The following LRRC75A variants were observed in gnomAD, a reference collection of about 807,000 sequenced individuals.
The protein encoded by LRRC75A is leucine-rich repeat-containing protein 75A.
Under a neutral mutation model 26.0 loss-of-function variants are expected in LRRC75A, and 12 were observed. The ratio of observed to expected loss-of-function variants is 0.46; its 90% confidence interval spans 0.30 to 0.75. The LOEUF (loss-of-function observed/expected upper bound fraction) is 0.75, where lower values mean the gene tolerates loss of function less well. LRRC75A is among the 30% of genes least tolerant of loss of function. The pLI, the probability that LRRC75A is intolerant of heterozygous loss-of-function variation, is 0.08. For synonymous variants in LRRC75A, 223 were observed against 219.3 expected (o/e 1.02, Z -0.15); for missense variants, 410 against 486.6 (o/e 0.84, Z 1.48).
At chr17:16,444,864 T>TG (rs1244193040) in intron 3 of LRRC75A, among the ~76,000 whole-genome samples, 1 of 151,050 alleles carries the variant, frequency 6.6e-6, no homozygotes, top group Non-Finnish European at 1.5e-5. Flanking sequence ...TTTTTTTTTT[T>TG]TTTGGAGACA....
chr17:16,467,383 G>A (rs1433278721), intron 1 of LRRC75A, among the ~76,000 whole-genome samples: 1 of 152,144 alleles, frequency 6.6e-6, no homozygotes, highest in African/African-American at 2.4e-5. Flanking sequence ...TTGCATTCAC[G>A]TGTGTGCAAG....
chr17:16,459,368 C>T (rs1040596378), intron 2 of LRRC75A, among the ~76,000 whole-genome samples: 1 of 152,140 alleles, frequency 6.6e-6, no homozygotes, highest in Non-Finnish European at 1.5e-5. Context: ...TCTCAGAGGC[C>T]GTAGGCTCAG....
chr17:16,462,268 C>A lies in LRRC75A; in HGVS notation c.365G>T (p.Cys122Phe). Residue 122 changes from cysteine to phenylalanine, a missense_variant, in exon 2 of 4, where the codon TGT (cysteine) becomes TTT (phenylalanine). By Grantham distance (205) the Cys-to-Phe change is radical. Transcript: ENST00000470794. This position sits in a 1 kb window ranked among gnomAD's most constrained non-coding sequence, Gnocchi z 4.6. ...CCACAGCCACCCTACCGGCTTGGGA[C>A]AGTGGATGTAGCGTGCCAGGCTGAT... is the stretch of plus-strand genomic sequence containing the variant. ...LIISLARYIH[C>F]PKPEGDALGA... 1 of 1,614,002 alleles carries A rather than the reference C, an allele frequency of 6.2e-7. No homozygotes were observed. Among genetic ancestry groups the A allele is most frequent in the Non-Finnish European group, 8.5e-7 (1 of 1,179,956 alleles).
Position 16,444,113 on chromosome 17 carries a change from G to A in LRRC75A, c.510C>T (p.Ala170=), listed in dbSNP as rs571873282. Residue 170 remains alanine, a synonymous_variant, in exon 4 of 4, where the codon GCC becomes GCT. Coordinates refer to ENST00000470794, the MANE Select transcript of LRRC75A (RefSeq NM_001113567.3). ...CCACTGTGTTGTCTGGGGGGCTTCC[G>A]GCCAGGACAGCCTTGAGGCTGAAGG... ...KPQACLKAVL[A]GSPPDNTVDL... is the part of the protein sequence containing the mutation. 2.0e-5 allele frequency: 32 copies of A among 1,602,614 alleles called. No homozygotes were observed. Among genetic ancestry groups the A allele is most frequent in the African/African-American group, 1.9e-4 (14 of 74,868 alleles).
chr17:16,477,145 G>A (rs997210705), intron 1 of LRRC75A, among the ~76,000 whole-genome samples: 1 of 152,100 alleles, frequency 6.6e-6, no homozygotes, highest in African/African-American at 2.4e-5. Context: ...TGGGCTTCCC[G>A]AAGTTCTGGG....
Position 16,491,732 on chromosome 17 carries a change from T to C in LRRC75A, c.246+13A>G, listed in dbSNP as rs1601211648. 1 of 1,181,606 alleles carries C rather than the reference T, an allele frequency of 8.5e-7. No individual in the cohort carries two copies. Among genetic ancestry groups the C allele is most frequent in the Non-Finnish European group, 1.1e-6 (1 of 932,784 alleles). The allele number at this position is 1,181,606 out of a possible 1,614,324, so 73.2% of individuals were successfully genotyped here. On this transcript the variant is annotated intron_variant, in intron 1 of 3. Transcript: ENST00000470794. This position sits in a 1 kb window ranked among gnomAD's most constrained non-coding sequence, Gnocchi z 5.9. ...GGCCCGGCGCGCCCCCCGCGCCCCC[T>C]CCCCGCGCTCACCTGGCGCAGGTGC...
At chr17:16,485,529 G>C (rs1307768964) in intron 1 of LRRC75A, among the ~76,000 whole-genome samples, 1 of 152,090 alleles carries the variant, frequency 6.6e-6, no homozygotes, top group East Asian at 1.9e-4. Flanking sequence ...TGAGAAATAA[G>C]TATCTGCTGT....
At chr17:16,483,094 C>T (rs2093838390) in intron 1 of LRRC75A, among the ~76,000 whole-genome samples, 2 of 152,172 alleles carry the variant, frequency 1.3e-5, no homozygotes, top group Non-Finnish European at 2.9e-5. Flanking sequence ...GCCAGAGCAG[C>T]CCCACAGTAG....
intron 1 of LRRC75A, among the ~76,000 whole-genome samples, chr17:16,468,616 A>T (rs983086267): frequency 4.6e-5 from 7 of 152,246 alleles, no homozygotes; most frequent in Non-Finnish European, 1.0e-4. Context: ...TTGCAAGATG[A>T]GAGTTCTGGA....
chr17:16,481,005 G>A (rs537299129), intron 1 of LRRC75A, among the ~76,000 whole-genome samples: 41 of 152,332 alleles, frequency 2.7e-4, no homozygotes, highest in Middle Eastern at 3.4e-3. Context: ...GGCTGTGTGC[G>A]CCTCTGTCAA....
intron 2 of LRRC75A, 185 bp from the exon 3 acceptor site, chr17:16,448,145 G>A (rs1177663638): frequency 3.2e-6 from 2 of 619,436 alleles, no homozygotes; most frequent in Non-Finnish European, 5.9e-6. Context: ...TCTGCAGGAT[G>A]GTTTTAGTTT....
chr17:16,466,107 T>C (rs1446249879), intron 1 of LRRC75A, among the ~76,000 whole-genome samples: 2 of 152,246 alleles, frequency 1.3e-5, no homozygotes, highest in Non-Finnish European at 2.9e-5. Flanking sequence ...CACTTCATAG[T>C]CCTGAGGACC....
intron 2 of LRRC75A, among the ~76,000 whole-genome samples, chr17:16,456,167 G>T (rs1160234284): frequency 8.2e-6 from 1 of 122,110 alleles, no homozygotes; most frequent in Non-Finnish European, 1.8e-5. Context: ...GGAGGAAGAG[G>T]AGGGGTAGGA....
intron 2 of LRRC75A, among the ~76,000 whole-genome samples, chr17:16,454,208 C>T (rs4502261): frequency 0.38 from 57,597 of 150,712 alleles, 11,240 homozygotes; most frequent in African/African-American, 0.4. Flanking sequence ...CTGGCCAACA[C>T]GGCGAAACTC....
At chr17:16,482,844 G>T (rs1273682827) in intron 1 of LRRC75A, among the ~76,000 whole-genome samples, 2 of 152,244 alleles carry the variant, frequency 1.3e-5, no homozygotes, top group Admixed American at 1.3e-4. Flanking sequence ...GGTGCCCAGG[G>T]ACGTATGCTG....
chr17:16,477,687 G>A (rs1467181107), intron 1 of LRRC75A, among the ~76,000 whole-genome samples: 2 of 152,194 alleles, frequency 1.3e-5, no homozygotes, highest in Admixed American at 1.3e-4. Context: ...GAGCCAGGAG[G>A]AACACCAAGG....
chr17:16,490,716 A>G (rs1206224807), intron 1 of LRRC75A, among the ~76,000 whole-genome samples: 2 of 152,182 alleles, frequency 1.3e-5, no homozygotes, highest in Non-Finnish European at 2.9e-5. Flanking sequence ...CAGCGACTGG[A>G]AAACCCCAGA....
chr17:16,453,122 C>G (rs2093646584), intron 2 of LRRC75A, among the ~76,000 whole-genome samples: 2 of 152,160 alleles, frequency 1.3e-5, no homozygotes, highest in African/African-American at 4.8e-5. Flanking sequence ...AACCCCATCT[C>G]TACTAAAAAT....
chr17:16,490,960 CCA>C (rs2093855926), intron 1 of LRRC75A, among the ~76,000 whole-genome samples: 1 of 152,240 alleles, frequency 6.6e-6, no homozygotes, highest in South Asian at 2.1e-4. Context: ...GGAAAACAAG[CCA>C]CAGAGAGGTG....
Sources: allele counts gnomAD v4.1 joint callset (sites outside exome capture counted in the v4.1 genomes callset), GRCh38; gene constraint gnomAD v4.1.1; non-coding constraint Gnocchi (gnomAD v3.1); transcripts MANE v1.5; gene names NCBI Gene and HGNC (gene_info 2026-07-23, HGNC 2026-07-21).